The following RBFOX1 variants were observed in gnomAD, a reference collection of about 807,000 sequenced individuals.
RBFOX1 encodes the protein RNA binding fox-1 homolog 1.
Under a neutral mutation model 57.7 loss-of-function variants are expected in RBFOX1, and 8 were observed. The ratio of observed to expected loss-of-function variants is 0.14; its 90% CI spans 0.08 to 0.25. RBFOX1 has a LOEUF of 0.25. Ranked by LOEUF, RBFOX1 falls within the 10% of genes least tolerant of loss-of-function variation. The pLI is 1.00. For synonymous variants in RBFOX1, 326 were observed against 222.4 expected (o/e 1.47, Z -4.15); for missense variants, 611 against 548.5 (o/e 1.11, Z -1.14).
chr16:5,802,995 A>G (rs2055108084), intron 3 of RBFOX1, among the ~76,000 whole-genome samples: 1 of 152,194 alleles, frequency 6.6e-6, no homozygotes, highest in South Asian at 2.1e-4. Context: ...CTGAGAATTC[A>G]TAGTTTAGAG....
intron 1 of RBFOX1, among the ~76,000 whole-genome samples, chr16:5,331,320 G>T (rs2064750449): frequency 6.6e-6 from 1 of 152,234 alleles, no homozygotes; most frequent in Non-Finnish European, 1.5e-5. Flanking sequence ...CTACAGAAGT[G>T]CTGTGTAACA....
At position 6,121,577 on chromosome 16, in the gene RBFOX1, G is replaced by A. The variant is rs560349207; in HGVS notation, c.-127+101585G>A. ...GTGTCACTCCATTTGCTTGTACACTGTGCCTGCCTTGTCTAAGGGAGCATT... is the reference window on the plus strand; with the variant it reads ...GTGTCACTCCATTTGCTTGTACACTATGCCTGCCTTGTCTAAGGGAGCATT... On this transcript the variant is annotated intron_variant, in intron 1 of 15. Transcript: ENST00000550418. Among the ~76,000 whole-genome samples, 19 of 152,278 alleles carry A rather than the reference G, an allele frequency of 1.2e-4. No homozygotes were observed. The South Asian group carries it at 3.7e-3, about 30-fold the overall frequency.
At chr16:6,616,707 T>C (rs1405104210) in intron 2 of RBFOX1, among the ~76,000 whole-genome samples, 1 of 152,150 alleles carries the variant, frequency 6.6e-6, no homozygotes, top group African/African-American at 2.4e-5. Context: ...AGTTCTGGGA[T>C]TGCAGGCATG....
At chr16:7,096,709 A>G (rs1006239809) in intron 4 of RBFOX1, among the ~76,000 whole-genome samples, 17 of 152,216 alleles carry the variant, frequency 1.1e-4, no homozygotes, top group African/African-American at 4.1e-4. Flanking sequence ...ACGCAGGTAT[A>G]TCACCTGAGG....
rs557181457 is a variant in RBFOX1, at chr16:6,907,013, C to T, written c.-15-145044C>T. 5.3e-5 allele frequency among the ~76,000 whole-genome samples: 8 copies of T among 152,114 alleles called. No homozygotes were observed. The South Asian group carries it at 8.3e-4, about 16-fold the overall frequency. ...TGCTAGGATTACAGGCATGAGCCACCGCACCCAGCTTGCAGAACTAAATTT... is the reference window on the plus strand; with the variant it reads ...TGCTAGGATTACAGGCATGAGCCACTGCACCCAGCTTGCAGAACTAAATTT... On this transcript the variant is annotated intron_variant, in intron 3 of 15. Transcript: ENST00000550418.
intron 3 of RBFOX1, among the ~76,000 whole-genome samples, chr16:5,663,812 G>A (rs1274624464): frequency 6.6e-6 from 1 of 152,176 alleles, no homozygotes; most frequent in Admixed American, 6.5e-5. Flanking sequence ...TGCTTCACAC[G>A]TCAAAGACAT....
chr16:7,162,063 A>C (rs1388791520), intron 4 of RBFOX1, among the ~76,000 whole-genome samples: 9 of 152,180 alleles, frequency 5.9e-5, no homozygotes, highest in Non-Finnish European at 1.3e-4. Context: ...CTTCTCTCAG[A>C]GCTGCAGCCA....
At chr16:7,045,825 T>A (rs1203075005) in intron 3 of RBFOX1, among the ~76,000 whole-genome samples, 1 of 151,930 alleles carries the variant, frequency 6.6e-6, no homozygotes, top group Non-Finnish European at 1.5e-5. Flanking sequence ...GTGGCTAATT[T>A]TTTTGTATTT....
chr16:6,188,418 C>CAA (rs57875210), intron 1 of RBFOX1, among the ~76,000 whole-genome samples: 2 of 124,140 alleles, frequency 1.6e-5, no homozygotes, highest in Non-Finnish European at 3.5e-5. Context: ...TTGTTTTAGC[C>CAA]AAAAAAAAAA....
intron 4 of RBFOX1, among the ~76,000 whole-genome samples, chr16:7,357,022 C>G (rs533018015): frequency 8.5e-5 from 13 of 152,226 alleles, no homozygotes; most frequent in African/African-American, 3.1e-4. Flanking sequence ...CAGCAGAAAG[C>G]TTTTGGGCTC....
intron 4 of RBFOX1, among the ~76,000 whole-genome samples, chr16:5,953,259 C>T (rs2152278878): frequency 6.6e-6 from 1 of 152,188 alleles, no homozygotes; most frequent in African/African-American, 2.4e-5. Flanking sequence ...TAAGGATGCC[C>T]AATGAAACTG....
At chr16:6,776,300 A>C (rs910778537) in intron 3 of RBFOX1, among the ~76,000 whole-genome samples, 1 of 151,976 alleles carries the variant, frequency 6.6e-6, no homozygotes, top group Non-Finnish European at 1.5e-5. Flanking sequence ...AGTCCCAGCT[A>C]CTCGGGGGGC....
rs140693793 is a variant in RBFOX1, at chr16:6,553,964, G to A, written c.-63-100639G>A. Among the ~76,000 whole-genome samples the A allele has an allele frequency of 1.7e-3, 255 of 152,234 alleles. 1 individual carries two copies. The highest frequency in any genetic ancestry group is 6.8e-3 in the Middle Eastern group (2 of 294). On this transcript the variant is annotated intron_variant, in intron 2 of 15. Coordinates refer to ENST00000550418, the MANE Select transcript of RBFOX1 (RefSeq NM_018723.4). The stretch of plus-strand genomic sequence containing the variant: ...GTGAGTTCCCAGAGGGCAGGTACCA[G>A]GGTTTATTCATTTTGGAAACCCCAG...
intron 3 of RBFOX1, among the ~76,000 whole-genome samples, chr16:5,791,278 A>G (rs1597269112): frequency 1.3e-5 from 2 of 152,204 alleles, no homozygotes; most frequent in Admixed American, 1.3e-4. Context: ...CTATCGCACT[A>G]AAAAATGTAG....
chr16:7,333,136 G>T, intron 4 of RBFOX1: 1 of 1,554,502 alleles, frequency 6.4e-7, no homozygotes, highest in Non-Finnish European at 8.9e-7. Context: ...AGAGTGCTCA[G>T]AGTAATAATT....
At chr16:7,580,034 A>G in intron 6 of RBFOX1, 114 bp downstream of exon 6, 1 of 1,193,208 alleles carries the variant, frequency 8.4e-7, no homozygotes, top group Non-Finnish European at 1.2e-6. Context: ...GTATGGGGAG[A>G]AACAATTTAG....
chr16:6,172,264 C>T (rs1324840526), intron 1 of RBFOX1, among the ~76,000 whole-genome samples: 2 of 151,066 alleles, frequency 1.3e-5, no homozygotes, highest in East Asian at 2.0e-4. Context: ...GGAGAGTGGG[C>T]CCCGGACAGC....
intron 11 of RBFOX1, among the ~76,000 whole-genome samples, 162 bp from the exon 12 acceptor site, chr16:7,653,653 A>C (rs530753336): frequency 4.7e-4 from 71 of 152,302 alleles, no homozygotes; most frequent in African/African-American, 1.6e-3. Context: ...CACCCTGGCC[A>C]CCGTGCTGCT....
intron 4 of RBFOX1, among the ~76,000 whole-genome samples, chr16:7,303,532 A>G (rs1281361703): frequency 6.6e-6 from 1 of 152,170 alleles, no homozygotes; most frequent in Non-Finnish European, 1.5e-5. Context: ...GTTTTAGCAG[A>G]CCGAATTTAA....
Sources: allele counts gnomAD v4.1 joint callset (sites outside exome capture counted in the v4.1 genomes callset), GRCh38; gene constraint gnomAD v4.1.1; transcripts MANE v1.5; gene names NCBI Gene and HGNC (gene_info 2026-07-23, HGNC 2026-07-21).